MARK3: variants seen among roughly 807,000 people sequenced by gnomAD.
MARK3 encodes the protein microtubule affinity regulating kinase 3.
In MARK3, 46 loss-of-function variants were observed where a neutral mutation model predicts 90.1. The observed-to-expected ratio is 0.51, with a 90% confidence interval of 0.40 to 0.65. The LOEUF (loss-of-function observed/expected upper bound fraction) is 0.65, where lower values mean the gene tolerates loss of function less well. Ranked by LOEUF, MARK3 falls within the 30% of genes least tolerant of loss-of-function variation. The pLI is 0.00. For missense variants in MARK3, 818 were observed against 947.2 expected (o/e 0.86, Z 1.79); for synonymous variants, 321 against 332.6 (o/e 0.97, Z 0.38).
intron 2 of MARK3, among the ~76,000 whole-genome samples, chr14:103,413,193 C>T (rs576110665): frequency 3.9e-5 from 6 of 152,094 alleles, no homozygotes; most frequent in Non-Finnish European, 8.8e-5. Flanking sequence ...TGTTTCTATT[C>T]AGGAATGTGC....
At chr14:103,497,783 A>G (rs1404055019) in intron 15 of MARK3, among the ~76,000 whole-genome samples, 1 of 152,212 alleles carries the variant, frequency 6.6e-6, no homozygotes, top group Admixed American at 6.5e-5. Flanking sequence ...TAAATATTTT[A>G]TAATGAAATT....
chr14:103,500,318 G>T (rs577993873), intron 17 of MARK3, 118 bp downstream of exon 17: 12 of 755,218 alleles, frequency 1.6e-5, no homozygotes, highest in Non-Finnish European at 2.3e-5. Flanking sequence ...TAGGAGTTAC[G>T]TAGAGAGGGT....
chr14:103,454,666 A>G (rs1229982933), intron 5 of MARK3, among the ~76,000 whole-genome samples: 1 of 152,162 alleles, frequency 6.6e-6, no homozygotes, highest in African/African-American at 2.4e-5. Flanking sequence ...CCACCATTGC[A>G]TCTCCCCCAC....
rs759904820 is a variant in MARK3 at position 103,465,635 on chromosome 14, G to A, written c.619G>A (p.Gly207Ser). ...FGFSNEFTVGGKLDTFCGSPP... is the reference protein window; with the variant it reads ...FGFSNEFTVGSKLDTFCGSPP... The stretch of plus-strand genomic sequence containing the variant: ...TTTTAGCAATGAATTTACTGTTGGC[G>A]GTAAACTCGACACGTTTTGTGGCAG... Residue 207 changes from glycine to serine, a missense_variant, in exon 8 of 18, where the codon GGT becomes AGT. Gly to Ser is a moderately conservative substitution (Grantham distance 56). Transcript: ENST00000429436. 3.7e-6 allele frequency: 6 copies of A among 1,614,048 alleles called. No individual in the cohort carries two copies. Among genetic ancestry groups the A allele is most frequent in the East Asian group, 2.2e-5 (1 of 44,880 alleles).
At chr14:103,427,736 T>G (rs2092457933) in intron 2 of MARK3, among the ~76,000 whole-genome samples, 2 of 152,228 alleles carry the variant, frequency 1.3e-5, no homozygotes, top group South Asian at 2.1e-4. Flanking sequence ...ACTGTCATGG[T>G]GGTGGTGGGA....
chr14:103,398,319 G>A (rs1007562990), intron 1 of MARK3, among the ~76,000 whole-genome samples: 8 of 152,136 alleles, frequency 5.3e-5, no homozygotes, highest in Non-Finnish European at 1.2e-4. Flanking sequence ...TTGTATTCCC[G>A]TTTCTCTGCC....
chr14:103,398,405 T>C (rs2090725068), intron 1 of MARK3, among the ~76,000 whole-genome samples: 1 of 152,232 alleles, frequency 6.6e-6, no homozygotes, highest in African/African-American at 2.4e-5. Context: ...TAACTTGTAT[T>C]TCTCTCTGAT....
At chr14:103,397,659 T>TAA (rs1419396205) in intron 1 of MARK3, among the ~76,000 whole-genome samples, 1 of 152,190 alleles carries the variant, frequency 6.6e-6, no homozygotes, top group Admixed American at 6.5e-5. Context: ...ACTTGTGCCT[T>TAA]ACAAGTTTTT....
At position 103,405,181 on chromosome 14, in the gene MARK3, A is replaced by G. The variant is rs1364490407; in HGVS notation, c.157A>G (p.Ile53Val). ...IASCADEQPH[I>V]GNYRLLKTIG... The stretch of plus-strand genomic sequence containing the variant: ...CTCCTGTGCAGATGAACAACCTCAC[A>G]TCGGAAACTACAGACTGTTGAAAAC... The change falls in exon 2 of 18, where the codon ATC (isoleucine) becomes GTC (valine). Residue 53 changes from isoleucine (I) to valine (V), a missense_variant. Transcript: ENST00000429436. The G allele has an allele frequency of 4.4e-6, 7 of 1,601,456 alleles. No homozygotes were observed. The highest frequency in any genetic ancestry group is 2.2e-5 in the East Asian group (1 of 44,750).
chr14:103,407,578 T>TTTC (rs1339928305), intron 2 of MARK3, among the ~76,000 whole-genome samples: 1 of 146,956 alleles, frequency 6.8e-6, no homozygotes, highest in Non-Finnish European at 1.5e-5. Context: ...TTTTTTTTTT[T>TTTC]TGAGACGGAG....
chr14:103,389,518 ACT>A (rs536637606), intron 1 of MARK3, among the ~76,000 whole-genome samples: 84 of 92,770 alleles, frequency 9.1e-4, no homozygotes, highest in African/African-American at 3.5e-3. Flanking sequence ...ACAGAGTAAG[ACT>A]CTGTCTCCAA....
chr14:103,493,645 C>T (rs1381381701), intron 15 of MARK3, among the ~76,000 whole-genome samples: 5 of 150,574 alleles, frequency 3.3e-5, no homozygotes, highest in Non-Finnish European at 5.9e-5. Flanking sequence ...GAGGCCAAGG[C>T]GGGTGGATCT....
At chr14:103,442,740 G>A (rs1217891445) in intron 3 of MARK3, among the ~76,000 whole-genome samples, 1 of 152,098 alleles carries the variant, frequency 6.6e-6, no homozygotes, top group Non-Finnish European at 1.5e-5. Flanking sequence ...CTGCTTTTTG[G>A]TGCTCCGGGA....
Position 103,466,976 on chromosome 14 carries a change from C to T in MARK3, c.998-103C>T, listed in dbSNP as rs1372157677. On this transcript the variant is annotated intron_variant, in intron 10 of 17. Coordinates refer to ENST00000429436, the MANE Select transcript of MARK3 (RefSeq NM_001128918.3). ...CCAAGATCGCGCCATTGCACTCCAG[C>T]CTGGGCAACAAGAGTGAAACTCCGT... is the stretch of plus-strand genomic sequence containing the variant. 5.4e-6 allele frequency: 3 copies of T among 558,884 alleles called. No individual in the cohort carries two copies. In the South Asian group the frequency reaches 7.6e-5, roughly 14 times the overall value. 34.6% of individuals were successfully genotyped at this position (558,884 alleles called of 1,614,324 possible).
At chr14:103,398,918 T>G (rs931928029) in intron 1 of MARK3, among the ~76,000 whole-genome samples, 1 of 152,210 alleles carries the variant, frequency 6.6e-6, no homozygotes, top group African/African-American at 2.4e-5. Context: ...AGGAATAGAA[T>G]GCATGTAAGG....
At chr14:103,401,775 G>A (rs1042590650) in intron 1 of MARK3, among the ~76,000 whole-genome samples, 5 of 152,246 alleles carry the variant, frequency 3.3e-5, no homozygotes, top group Non-Finnish European at 7.4e-5. Context: ...AAAAAAAGTA[G>A]CATAATAGAG....
chr14:103,390,642 G>A (rs183341991), intron 1 of MARK3, among the ~76,000 whole-genome samples: 1 of 152,182 alleles, frequency 6.6e-6, no homozygotes, highest in African/African-American at 2.4e-5. Flanking sequence ...AATTTGTGTT[G>A]GGTCACTTTC....
At chr14:103,399,938 CTT>C (rs11323012) in intron 1 of MARK3, among the ~76,000 whole-genome samples, 42,410 of 144,960 alleles carry the variant, frequency 0.29, 7,090 homozygotes, top group Non-Finnish European at 0.36. Flanking sequence ...CCCCACCCTC[CTT>C]TTTTTTTTTT....
intron 2 of MARK3, among the ~76,000 whole-genome samples, chr14:103,407,554 CTTTTTTTTTTTT>C (rs71460673): frequency 9.3e-4 from 67 of 71,668 alleles, no homozygotes; most frequent in Non-Finnish European, 1.4e-3. Flanking sequence ...TGTTTTGCCT[CTTTTTTTTTTTT>C]TTTTTTTTTT....
Sources: gnomAD v4.1 joint callset for allele counts (sites outside exome capture counted in the v4.1 genomes callset) on GRCh38, gnomAD v4.1.1 for gene constraint, MANE v1.5 for transcripts, NCBI Gene and HGNC (gene_info 2026-07-23, HGNC 2026-07-21) for gene names.